PPP1R16B: variants seen among roughly 807,000 people sequenced by gnomAD.
PPP1R16B encodes the protein protein phosphatase 1 regulatory subunit 16B, also known as protein phosphatase 1 regulatory inhibitor subunit 16B.
A neutral mutation model predicts 61.7 loss-of-function variants in PPP1R16B; 14 were observed. The ratio of observed to expected loss-of-function variants is 0.23; its 90% CI spans 0.15 to 0.35. The LOEUF (loss-of-function observed/expected upper bound fraction) is 0.35. PPP1R16B is among the 10% of genes least tolerant of loss of function. The pLI, the probability that PPP1R16B is intolerant of heterozygous loss-of-function variation, is 1.00. For synonymous variants in PPP1R16B, 266 were observed against 305.3 expected (o/e 0.87, Z 1.34); for missense variants, 547 against 752.5 (o/e 0.73, Z 3.19).
Position 38,912,936 on chromosome 20 carries a change from C to G in PPP1R16B, c.1194+4743C>G, listed in dbSNP as rs187343887. On this transcript the variant is annotated intron_variant, in intron 10 of 10. Coordinates refer to ENST00000299824, the MANE Select transcript of PPP1R16B (RefSeq NM_015568.4). ...CTAGACTGGAGTGCAGTGGCGCAAA[C>G]TTCGTTCACTATAGCCTCTGCCTCC... Among the ~76,000 whole-genome samples, 808 of 152,294 alleles carry G rather than the reference C, an allele frequency of 5.3e-3. 4 individuals are homozygous for G. Among genetic ancestry groups the G allele is most frequent in the Non-Finnish European group, 8.9e-3 (606 of 68,032 alleles).
At chr20:38,816,535 C>T (rs952601262) in intron 1 of PPP1R16B, among the ~76,000 whole-genome samples, 1 of 152,092 alleles carries the variant, frequency 6.6e-6, no homozygotes, top group African/African-American at 2.4e-5. Context: ...AGAATAGGTC[C>T]ATGTAGAAAG....
At chr20:38,881,214 A>G (rs1240920926) in intron 2 of PPP1R16B, among the ~76,000 whole-genome samples, 1 of 152,196 alleles carries the variant, frequency 6.6e-6, no homozygotes, top group Non-Finnish European at 1.5e-5. Context: ...CTCCACCCTC[A>G]GCTCCAGGCA....
intron 5 of PPP1R16B, among the ~76,000 whole-genome samples, chr20:38,901,115 T>A (rs1051998147): frequency 1.3e-5 from 2 of 152,208 alleles, no homozygotes; most frequent in African/African-American, 4.8e-5. Flanking sequence ...TGGGCTGTTC[T>A]CAACTCACAA....
intron 10 of PPP1R16B, among the ~76,000 whole-genome samples, chr20:38,911,972 C>T (rs6028200): frequency 0.38 from 57,123 of 151,996 alleles, 11,526 homozygotes; most frequent in Middle Eastern, 0.52. Context: ...AGGAAAGCAG[C>T]TGGAGTCACG....
intron 1 of PPP1R16B, among the ~76,000 whole-genome samples, chr20:38,811,947 T>TGGCC (rs1387217917): frequency 7.9e-5 from 12 of 152,310 alleles, no homozygotes; most frequent in African/African-American, 2.6e-4. Context: ...TGTCTCCAGT[T>TGGCC]GGCCAGCGTG....
At chr20:38,840,974 A>G (rs1418541842) in intron 2 of PPP1R16B, among the ~76,000 whole-genome samples, 1 of 152,164 alleles carries the variant, frequency 6.6e-6, no homozygotes, top group East Asian at 1.9e-4. Flanking sequence ...CATTTACGTA[A>G]TCTATTATTA....
At chr20:38,807,450 TAGAC>T (rs958799972) in intron 1 of PPP1R16B, among the ~76,000 whole-genome samples, 2 of 152,130 alleles carry the variant, frequency 1.3e-5, no homozygotes, top group Admixed American at 6.5e-5. Flanking sequence ...GTGTCTCTCT[TAGAC>T]AGGTGCAGAA....
intron 3 of PPP1R16B, among the ~76,000 whole-genome samples, chr20:38,894,764 C>T (rs2085321735): frequency 6.6e-6 from 1 of 152,208 alleles, no homozygotes; most frequent in Non-Finnish European, 1.5e-5. Flanking sequence ...TAGCTTGACG[C>T]TCCTCTGTCT....
intron 1 of PPP1R16B, among the ~76,000 whole-genome samples, chr20:38,832,973 G>A (rs994299263): frequency 6.6e-6 from 1 of 151,844 alleles, no homozygotes. Context: ...TGTACTCTTG[G>A]GTATTTGCTC....
At chr20:38,915,108 A>G (rs1385507355) in intron 10 of PPP1R16B, among the ~76,000 whole-genome samples, 1 of 152,150 alleles carries the variant, frequency 6.6e-6, no homozygotes, top group Non-Finnish European at 1.5e-5. Context: ...AACTAGCATT[A>G]GTGTGGTACA....
At position 38,921,895 on chromosome 20, in the gene PPP1R16B, A is replaced by G. The variant is rs1477482697; in HGVS notation, c.*3229A>G. 1.3e-5 allele frequency: 2 copies of G among 152,188 alleles called. No individual in the cohort carries two copies. The highest frequency in any genetic ancestry group is 6.5e-5 in the Admixed American group (1 of 15,278). 9.4% of individuals were successfully genotyped at this position (152,188 alleles called of 1,614,324 possible). ...TTGGGAATCTGCCTCCCTCCATGGC[A>G]GGGGTGGATTCGGGAGCTGGGAGTA... On this transcript the variant is annotated 3_prime_UTR_variant, in exon 11 of 11. Transcript: ENST00000299824.
intron 3 of PPP1R16B, among the ~76,000 whole-genome samples, chr20:38,891,324 C>T: frequency 6.6e-6 from 1 of 152,142 alleles, no homozygotes; most frequent in Middle Eastern, 3.2e-3. Flanking sequence ...TAACAAGTAC[C>T]CATCTCATTG....
chr20:38,896,192 T>C, intron 4 of PPP1R16B, among the ~76,000 whole-genome samples: 1 of 132,184 alleles, frequency 7.6e-6, no homozygotes, highest in African/African-American at 2.9e-5. Context: ...CCTCCCTTCC[T>C]TCTTTCTTCC....
At position 38,918,590 on chromosome 20, in the gene PPP1R16B, A is replaced by G. The variant is rs1038411557; in HGVS notation, c.1628A>G (p.Asp543Gly). ...GTATATTACACGGTCACCAGCGGAG[A>G]TCCCCCACTCTTAAAGTTCAAGGCC... is the stretch of plus-strand genomic sequence containing the variant. Reference protein sequence around the residue: ...TSVYYTVTSGDPPLLKFKAPI... With the variant: ...TSVYYTVTSGGPPLLKFKAPI... Residue 543 changes from aspartate to glycine, a missense_variant, in exon 11 of 11, where the codon GAT becomes GGT. By Grantham distance (94) the Asp-to-Gly change is moderately conservative. Transcript: ENST00000299824. The surrounding 1 kb of genome is among the most constrained non-coding windows in gnomAD (Gnocchi z 5.3). 21 of 1,532,226 alleles carry G rather than the reference A, an allele frequency of 1.4e-5. No homozygotes were observed. Among genetic ancestry groups the G allele is most frequent in the Non-Finnish European group, 1.8e-5 (20 of 1,140,512 alleles). 94.9% of individuals were successfully genotyped at this position (1,532,226 alleles called of 1,614,324 possible).
chr20:38,915,063 C>T (rs1473680541), intron 10 of PPP1R16B, among the ~76,000 whole-genome samples: 1 of 152,044 alleles, frequency 6.6e-6, no homozygotes, highest in African/African-American at 2.4e-5. Flanking sequence ...TTCCCATATA[C>T]ACCCCCCTCC....
At position 38,835,998 on chromosome 20, in the gene PPP1R16B, G is replaced by T. The variant is rs2084867690; in HGVS notation, c.73G>T (p.Ala25Ser). Residue 25 changes from alanine (A) to serine (S), a missense_variant, in exon 2 of 11, where the codon GCT becomes TCT. Ala to Ser is a moderately conservative substitution (Grantham distance 99). Transcript: ENST00000299824. Reference protein sequence around the residue: ...EKVPTLERLRAAQKRRAQQLK... With the variant: ...EKVPTLERLRSAQKRRAQQLK... ...GGTGCCCACGCTGGAGCGGCTGCGG[G>T]CTGCCCAGAAGCGCCGGGCCCAGCA... 1 of 1,570,142 alleles carries T rather than the reference G, an allele frequency of 6.4e-7. No homozygotes were observed. The highest frequency in any genetic ancestry group is 1.4e-5 in the African/African-American group (1 of 73,946).
chr20:38,869,991 C>T (rs1405517218), intron 2 of PPP1R16B, among the ~76,000 whole-genome samples: 1 of 151,584 alleles, frequency 6.6e-6, no homozygotes, highest in Non-Finnish European at 1.5e-5. Context: ...TGACGCGATC[C>T]CAGCTCACTG....
In PPP1R16B at chr20:38,919,675, G is replaced by A. The variant is rs1773884631; in HGVS notation, c.*1009G>A. ...GAGCTTCCATTGGAATGCTTTTCCA[G>A]GGAGAGAGGCCAGTTAATTTAAAAA... On this transcript the variant is annotated 3_prime_UTR_variant, in exon 11 of 11. Transcript: ENST00000299824. 1 of 152,126 alleles carries A rather than the reference G, an allele frequency of 6.6e-6. No individual in the cohort carries two copies. The highest frequency in any genetic ancestry group is 6.5e-5 in the Admixed American group (1 of 15,270). The allele number at this position is 152,126 out of a possible 1,614,324, so 9.4% of individuals were successfully genotyped here.
chr20:38,811,119 G>T (rs1568649654), intron 1 of PPP1R16B, among the ~76,000 whole-genome samples: 1 of 151,488 alleles, frequency 6.6e-6, no homozygotes, highest in Non-Finnish European at 1.5e-5. Flanking sequence ...TTCGCCCACA[G>T]ATGTGCCTTG....
Sources: gnomAD v4.1 joint callset for allele counts (sites outside exome capture counted in the v4.1 genomes callset) on GRCh38, gnomAD v4.1.1 for gene constraint, Gnocchi (gnomAD v3.1) non-coding constraint, MANE v1.5 for transcripts, NCBI Gene and HGNC (gene_info 2026-07-23, HGNC 2026-07-21) for gene names.